The following THSD7B variants were observed in gnomAD, a reference collection of about 807,000 sequenced individuals.
The protein encoded by THSD7B is thrombospondin type 1 domain containing 7B.
A neutral mutation model predicts 213.6 loss-of-function variants in THSD7B; 138 were observed. The ratio of observed to expected loss-of-function variants is 0.65; its 90% CI spans 0.56 to 0.74. The LOEUF is 0.74. Ranked by LOEUF, THSD7B falls within the 30% of genes least tolerant of loss-of-function variation. The pLI, the probability that THSD7B is intolerant of heterozygous loss-of-function variation, is 0.00. For synonymous variants in THSD7B, 742 were observed against 687.0 expected (o/e 1.08, Z -1.25); for missense variants, 1,931 against 1,991.5 (o/e 0.97, Z 0.58).
intron 9 of THSD7B, among the ~76,000 whole-genome samples, chr2:137,236,115 A>G (rs1457038229): frequency 6.6e-6 from 1 of 152,166 alleles, no homozygotes; most frequent in Non-Finnish European, 1.5e-5. Flanking sequence ...TTTCACATGA[A>G]AGTCATTGCA....
At chr2:137,509,440 G>A (rs995047764) in intron 15 of THSD7B, among the ~76,000 whole-genome samples, 2 of 151,030 alleles carry the variant, frequency 1.3e-5, no homozygotes, top group African/African-American at 4.9e-5. Context: ...TAAGTATACA[G>A]CAAGATATCT....
chr2:136,826,421 ATTTC>A (rs149942493), intron 1 of THSD7B, among the ~76,000 whole-genome samples: 2,443 of 152,222 alleles, frequency 0.016, 58 homozygotes, highest in African/African-American at 0.056. Flanking sequence ...TGAGCCTCTG[ATTTC>A]TTGTTCATTT....
At chr2:137,078,572 T>G (rs1687679771) in intron 3 of THSD7B, among the ~76,000 whole-genome samples, 1 of 152,166 alleles carries the variant, frequency 6.6e-6, no homozygotes, top group South Asian at 2.1e-4. Flanking sequence ...TTTGTTAATT[T>G]TGTCTACTAT....
At chr2:136,980,215 G>A (rs1172335975) in intron 2 of THSD7B, among the ~76,000 whole-genome samples, 1 of 152,156 alleles carries the variant, frequency 6.6e-6, no homozygotes, top group Admixed American at 6.5e-5. Context: ...ACCCCTGTTG[G>A]GAGGTCTCAC....
intron 1 of THSD7B, among the ~76,000 whole-genome samples, chr2:136,840,841 G>A (rs1019031787): frequency 6.6e-6 from 1 of 152,120 alleles, no homozygotes; most frequent in Non-Finnish European, 1.5e-5. Flanking sequence ...ATTAAGTCAA[G>A]GGGCATGCAG....
At chr2:137,372,267 G>C (rs193024399) in intron 12 of THSD7B, among the ~76,000 whole-genome samples, 3 of 148,640 alleles carry the variant, frequency 2.0e-5, no homozygotes, top group Admixed American at 2.0e-4. Context: ...AATGTGGTTA[G>C]GTAATCCCCT....
At chr2:137,424,844 G>C (rs759765532) in intron 14 of THSD7B, among the ~76,000 whole-genome samples, 10 of 152,012 alleles carry the variant, frequency 6.6e-5, no homozygotes, top group Non-Finnish European at 1.2e-4. Flanking sequence ...GGCCGAGGGA[G>C]GCAGATCACA....
intron 1 of THSD7B, among the ~76,000 whole-genome samples, chr2:136,847,879 C>T (rs1237234665): frequency 6.6e-6 from 1 of 152,130 alleles, no homozygotes; most frequent in Non-Finnish European, 1.5e-5. Flanking sequence ...GTGTGGAATT[C>T]TAAAACCATG....
chr2:137,073,601 G>C (rs374431413), intron 3 of THSD7B, among the ~76,000 whole-genome samples: 42 of 152,092 alleles, frequency 2.8e-4, no homozygotes, highest in African/African-American at 8.7e-4. Context: ...CTGCTCTGAT[G>C]TTAGTTATTT....
intron 14 of THSD7B, among the ~76,000 whole-genome samples, chr2:137,448,451 G>A (rs111974884): frequency 2.6e-5 from 4 of 152,246 alleles, no homozygotes; most frequent in African/African-American, 9.6e-5. Context: ...TAGAAGAGAC[G>A]GGAGGGTGGG....
intron 2 of THSD7B, among the ~76,000 whole-genome samples, chr2:136,999,520 T>A (rs1685962582): frequency 6.6e-6 from 1 of 151,930 alleles, no homozygotes; most frequent in African/African-American, 2.4e-5. Flanking sequence ...TGTGTGTCAA[T>A]ATGAACTTGG....
intron 3 of THSD7B, among the ~76,000 whole-genome samples, chr2:137,067,384 A>G (rs1046333220): frequency 6.6e-6 from 1 of 151,710 alleles, no homozygotes; most frequent in African/African-American, 2.4e-5. Flanking sequence ...GGGGCAAAAA[A>G]TCTCCTTTGG....
intron 15 of THSD7B, among the ~76,000 whole-genome samples, chr2:137,472,778 A>G (rs1030964531): frequency 6.6e-6 from 1 of 152,234 alleles, no homozygotes; most frequent in Non-Finnish European, 1.5e-5. Context: ...ATCTAAAATC[A>G]TAACAATGTA....
At chr2:137,459,642 G>T (rs1687843023) in intron 15 of THSD7B, among the ~76,000 whole-genome samples, 1 of 151,926 alleles carries the variant, frequency 6.6e-6, no homozygotes, top group South Asian at 2.1e-4. Context: ...TCCAACTTGG[G>T]TGACAGAGTG....
chr2:137,323,900 TTGTC>T (rs1684313825), intron 12 of THSD7B, among the ~76,000 whole-genome samples: 1 of 152,222 alleles, frequency 6.6e-6, no homozygotes, highest in Non-Finnish European at 1.5e-5. Context: ...TGCCACATTA[TTGTC>T]AGCAGTAATA....
intron 12 of THSD7B, among the ~76,000 whole-genome samples, chr2:137,332,180 C>T (rs1684527791): frequency 6.6e-6 from 1 of 151,998 alleles, no homozygotes; most frequent in South Asian, 2.1e-4. Context: ...CAAAAGCAGC[C>T]AGGAGGAGGG....
At chr2:137,026,781 T>C (rs556271365) in intron 2 of THSD7B, among the ~76,000 whole-genome samples, 1 of 152,348 alleles carries the variant, frequency 6.6e-6, no homozygotes, top group South Asian at 2.1e-4. Context: ...TGTAATTTTC[T>C]GATAAGGATT....
At chr2:137,310,476 T>C (rs1683872091) in intron 12 of THSD7B, among the ~76,000 whole-genome samples, 1 of 150,320 alleles carries the variant, frequency 6.7e-6, no homozygotes, top group African/African-American at 2.5e-5. Context: ...CTGATGGTAG[T>C]TTCTTTTGCT....
intron 2 of THSD7B, among the ~76,000 whole-genome samples, chr2:136,923,741 T>C (rs1166232669): frequency 6.6e-6 from 1 of 152,188 alleles, no homozygotes; most frequent in Non-Finnish European, 1.5e-5. Flanking sequence ...TTGTTGGCTA[T>C]TCATATGTCT....
Sources: gnomAD v4.1 joint callset for allele counts (sites outside exome capture counted in the v4.1 genomes callset) on GRCh38, gnomAD v4.1.1 for gene constraint, MANE v1.5 for transcripts, NCBI Gene and HGNC (gene_info 2026-07-23, HGNC 2026-07-21) for gene names.